The following SAMD4B variants were observed in gnomAD, a reference collection of about 807,000 sequenced individuals.
SAMD4B encodes the protein sterile alpha motif domain containing 4B, also known as protein Smaug homolog 2.
Under a neutral mutation model 74.5 loss-of-function variants are expected in SAMD4B, and 5 were observed. That is an observed-to-expected ratio of 0.07 (90% CI 0.04 to 0.14). SAMD4B has a LOEUF of 0.14. Among genes scored for constraint, SAMD4B ranks in the 10% least tolerant of loss-of-function variants. SAMD4B has a pLI of 1.00. For synonymous variants in SAMD4B, 373 were observed against 374.9 expected, an observed-to-expected ratio of 1.00 and a Z score of 0.06; for missense variants, 608 against 921.8, an observed-to-expected ratio of 0.66 and a Z score of 4.41.
intron 3 of SAMD4B, among the ~76,000 whole-genome samples, chr19:39,361,705 C>T (rs373406154): frequency 2.7e-5 from 4 of 149,002 alleles, no homozygotes; most frequent in South Asian, 2.2e-4. Flanking sequence ...GGGCGGATCA[C>T]GAGGTCAGGA....
At chr19:39,382,027 C>T (rs1304569980) in intron 12 of SAMD4B, among the ~76,000 whole-genome samples, 5 of 152,200 alleles carry the variant, frequency 3.3e-5, no homozygotes, top group Admixed American at 6.5e-5. Context: ...CTCCTCCACA[C>T]GGTGCTGGCC....
rs2077206528 is a variant in SAMD4B, at chr19:39,370,222, A to G, written c.667+97A>G. ...CTCGCTCTGTGGCATTAGACAAGTC[A>G]CATAAGCTGTAGGCCTCAACTTTAT... On this transcript the variant is annotated intron_variant, in intron 4 of 13. Coordinates refer to ENST00000610417, the MANE Select transcript of SAMD4B (RefSeq NM_001384574.2). The G allele has an allele frequency of 2.4e-6, 3 of 1,240,808 alleles. No individual in the cohort carries two copies. In the African/African-American group the frequency reaches 4.5e-5, roughly 19 times the overall value. The allele number at this position is 1,240,808 out of a possible 1,614,324, so 76.9% of individuals were successfully genotyped here.
chr19:39,353,509 A>C (rs1046232499), intron 1 of SAMD4B, among the ~76,000 whole-genome samples: 1 of 152,168 alleles, frequency 6.6e-6, no homozygotes, highest in Admixed American at 6.5e-5. Flanking sequence ...TTAATTTAAA[A>C]AATGGCATTA....
Position 39,383,254 on chromosome 19 carries a change from GTC to G in SAMD4B, c.2023_2024del (p.Leu675ValfsTer11), listed in dbSNP as rs2078114833. The G allele has an allele frequency of 1.2e-6, 2 of 1,614,040 alleles. No homozygotes were observed. The highest frequency in any genetic ancestry group is 1.7e-6 in the Non-Finnish European group (2 of 1,180,016). On this transcript the variant is annotated frameshift_variant, in exon 13 of 14. Transcript: ENST00000610417. LOFTEE classifies it high-confidence loss of function. The surrounding 1 kb of genome is among the most constrained non-coding windows in gnomAD (Gnocchi z 4.1). ...ACCTGGAGATCAATCCCACTCTGGA[GTC>G]TCTGTGTCTGAGCATGACAGAACAC... ...PDLEINPTLE[S>X]LCLSMTEHAL...
In SAMD4B at chr19:39,378,385, G is replaced by C; in HGVS notation, c.1445-119G>C. 1.3e-6 allele frequency: 1 copy of C among 795,668 alleles called. No homozygotes were observed. Among genetic ancestry groups the C allele is most frequent in the Non-Finnish European group, 2.1e-6 (1 of 470,300 alleles). 49.3% of individuals were successfully genotyped at this position (795,668 alleles called of 1,614,324 possible). A position where few individuals can be genotyped will look rare whatever the true frequency, so the allele number is the denominator to read the frequency against. On this transcript the variant is annotated intron_variant, in intron 8 of 13. Transcript: ENST00000610417. The surrounding 1 kb of genome is among the most constrained non-coding windows in gnomAD (Gnocchi z 4.4). ...CAAATACCATGGCTAGCACTTAATA[G>C]TTGATATTCATCCAGCCTGAGTCTC...
At position 39,375,808 on chromosome 19, in the gene SAMD4B, G is replaced by C; in HGVS notation, c.826G>C (p.Val276Leu). 6.2e-7 allele frequency: 1 copy of C among 1,613,830 alleles called. No homozygotes were observed. The highest frequency in any genetic ancestry group is 8.5e-7 in the Non-Finnish European group (1 of 1,180,032). ...CGCACCTCTCTCGCCCCAGAGCAGC[G>C]TGGCCTCCTCTGGCAGTGAGCAGAC... ...DHAPLSPQSSVASSGSEQTEE... is the reference protein window; with the variant it reads ...DHAPLSPQSSLASSGSEQTEE... Residue 276 changes from valine to leucine, a missense_variant, in exon 5 of 14, where the codon GTG (valine) becomes CTG (leucine). Around this residue, in one of 9 missense-constraint regions of SAMD4B, gnomAD observed 31 missense variants for 43.4 expected, o/e 0.71. Coordinates refer to ENST00000610417, the MANE Select transcript of SAMD4B (RefSeq NM_001384574.2). The surrounding 1 kb of genome is among the most constrained non-coding windows in gnomAD (Gnocchi z 4.1).
At chr19:39,373,747 A>G (rs2145746475) in intron 4 of SAMD4B, among the ~76,000 whole-genome samples, 1 of 152,178 alleles carries the variant, frequency 6.6e-6, no homozygotes, top group Non-Finnish European at 1.5e-5. Flanking sequence ...GGATCACCTG[A>G]GGTCGGGAGT....
chr19:39,343,470 C>G (rs367576180), intron 1 of SAMD4B, among the ~76,000 whole-genome samples: 1 of 151,006 alleles, frequency 6.6e-6, no homozygotes, highest in East Asian at 1.9e-4. Flanking sequence ...ACTCCATCCC[C>G]CTCCCCACCG....
downstream of SAMD4B, chr19:39,386,537 C>T (rs768459955): frequency 1.5e-5 from 24 of 1,614,026 alleles, no homozygotes; most frequent in South Asian, 8.8e-5. This position sits in a 1 kb window ranked among gnomAD's most constrained non-coding sequence, Gnocchi z 6.1. Context: ...CTTCCTCCTC[C>T]GGTTCGTGGT....
intron 12 of SAMD4B, 67 bp downstream of exon 12, chr19:39,381,180 G>A (rs2077961820): frequency 6.6e-7 from 1 of 1,514,708 alleles, no homozygotes; most frequent in South Asian, 1.3e-5. Context: ...TTTTTCTCCT[G>A]GGTCTCATGT....
chr19:39,369,593 C>A (rs1334132439), intron 3 of SAMD4B, 62 bp from the exon 4 acceptor site: 17 of 1,366,878 alleles, frequency 1.2e-5, no homozygotes, highest in Middle Eastern at 3.6e-4. Flanking sequence ...AGGCAGTGCT[C>A]TCAGGTGAAT....
intron 1 of SAMD4B, among the ~76,000 whole-genome samples, chr19:39,345,652 C>T (rs2075652541): frequency 6.6e-6 from 1 of 152,190 alleles, no homozygotes; most frequent in African/African-American, 2.4e-5. Flanking sequence ...TACTTGTCCA[C>T]TCACCCTCAC....
downstream of SAMD4B, chr19:39,390,175 T>A (rs2078344681): frequency 6.2e-7 from 1 of 1,613,122 alleles, no homozygotes; most frequent in Non-Finnish European, 8.5e-7. Context: ...GGAACATTAG[T>A]GGCTCAAAAG....
downstream of SAMD4B, chr19:39,388,516 C>T (rs1209205111): frequency 6.2e-7 from 1 of 1,612,926 alleles, no homozygotes; most frequent in Admixed American, 1.7e-5. Flanking sequence ...TATCCCAATC[C>T]CCAAAACTTC....
downstream of SAMD4B, chr19:39,387,052 T>A (rs922076348): frequency 5.3e-5 from 30 of 567,266 alleles, 1 homozygote; most frequent in South Asian, 5.8e-4. Flanking sequence ...TGTATTTACA[T>A]AAATACGGGC....
downstream of SAMD4B, chr19:39,385,712 G>T: frequency 1.9e-6 from 1 of 523,370 alleles, no homozygotes; most frequent in South Asian, 3.2e-5. Context: ...TCTGACCTTC[G>T]TTGTGCTACA....
chr19:39,370,173 T>C (rs751480110), intron 4 of SAMD4B, 48 bp downstream of exon 4: 5 of 1,521,198 alleles, frequency 3.3e-6, no homozygotes, highest in Non-Finnish European at 4.5e-6. Flanking sequence ...TGAAAAAGGT[T>C]GGACTAGGCT....
intron 3 of SAMD4B, among the ~76,000 whole-genome samples, chr19:39,364,096 A>G (rs2145566959): frequency 6.6e-6 from 1 of 152,256 alleles, no homozygotes; most frequent in East Asian, 1.9e-4. Flanking sequence ...ATCAGCCTCC[A>G]TTTGTCCAAA....
intron 12 of SAMD4B, chr19:39,381,358 A>C: frequency 7.0e-6 from 3 of 428,182 alleles, no homozygotes; most frequent in Non-Finnish European, 4.2e-6. Flanking sequence ...CTCCTACCCC[A>C]TCTCATGTTT....
Sources: allele counts gnomAD v4.1 joint callset (sites outside exome capture counted in the v4.1 genomes callset), GRCh38; gene constraint gnomAD v4.1.1; regional missense constraint gnomAD v4.1.1; non-coding constraint Gnocchi (gnomAD v3.1); transcripts MANE v1.5; gene names NCBI Gene and HGNC (gene_info 2026-07-23, HGNC 2026-07-21).